EIF2AK4: variants seen among roughly 807,000 people sequenced by gnomAD.
The protein encoded by EIF2AK4 is eIF-2-alpha kinase GCN2.
In EIF2AK4, 139 loss-of-function variants were observed where a neutral mutation model predicts 211.1. That is an observed-to-expected ratio of 0.66 (90% CI 0.57 to 0.76). The LOEUF is 0.76. Ranked by LOEUF, EIF2AK4 falls within the 30% of genes least tolerant of loss-of-function variation. The probability of loss-of-function intolerance (pLI) is 0.00; values close to 1 mark genes in which losing one functional copy is unlikely to be tolerated. For synonymous variants in EIF2AK4, 710 were observed against 751.3 expected (o/e 0.94, Z 0.90); for missense variants, 1,664 against 2,043.8 (o/e 0.81, Z 3.58).
At chr15:40,008,828 G>C (rs190283235) in intron 25 of EIF2AK4, among the ~76,000 whole-genome samples, 58 of 152,216 alleles carry the variant, frequency 3.8e-4, no homozygotes, top group Non-Finnish European at 7.5e-4. Context: ...TCTCCAAGCA[G>C]AACATGTGTT....
At chr15:39,938,803 G>A (rs982694864) in intron 1 of EIF2AK4, among the ~76,000 whole-genome samples, 1 of 152,158 alleles carries the variant, frequency 6.6e-6, no homozygotes, top group Non-Finnish European at 1.5e-5. Flanking sequence ...AAGGTGCCTG[G>A]ACCATGGGAG....
chr15:39,975,655 G>A (rs1432938483), intron 11 of EIF2AK4, among the ~76,000 whole-genome samples: 1 of 152,184 alleles, frequency 6.6e-6, no homozygotes, highest in Non-Finnish European at 1.5e-5. Flanking sequence ...ACTTGCCTTT[G>A]CAACGTTTTC....
At chr15:39,947,565 G>A (rs992102530) in intron 3 of EIF2AK4, among the ~76,000 whole-genome samples, 1 of 152,138 alleles carries the variant, frequency 6.6e-6, no homozygotes, top group Non-Finnish European at 1.5e-5. Context: ...TCCAGCACTG[G>A]GAAAACCACA....
At chr15:40,029,083 A>AG (rs1013676036) in intron 33 of EIF2AK4, among the ~76,000 whole-genome samples, 3 of 152,082 alleles carry the variant, frequency 2.0e-5, no homozygotes, top group Non-Finnish European at 2.9e-5. Context: ...TTGTATTATG[A>AG]GGGGGGCGGA....
At chr15:39,978,296 A>G in intron 13 of EIF2AK4, 149 bp downstream of exon 13, 1 of 411,846 alleles carries the variant, frequency 2.4e-6, no homozygotes. Flanking sequence ...TTTAAAATAT[A>G]TTCTACCTGT....
intron 1 of EIF2AK4, among the ~76,000 whole-genome samples, chr15:39,937,565 T>C (rs2034083656): frequency 6.6e-6 from 1 of 152,218 alleles, no homozygotes; most frequent in Non-Finnish European, 1.5e-5. Flanking sequence ...AAAATGTTGA[T>C]AGAGTCAAAA....
intron 27 of EIF2AK4, among the ~76,000 whole-genome samples, chr15:40,015,423 AAGAG>A (rs1045202184): frequency 2.6e-5 from 4 of 152,314 alleles, no homozygotes; most frequent in East Asian, 3.9e-4. Context: ...GCAGCAGGCA[AAGAG>A]AGAGAACTTG....
chr15:40,032,632 T>C (rs916064319), intron 36 of EIF2AK4, 125 bp from the exon 37 acceptor site: 36 of 828,440 alleles, frequency 4.3e-5, no homozygotes, highest in Non-Finnish European at 6.5e-5. Flanking sequence ...ATTAAGCCCT[T>C]TTACAGCACA....
intron 34 of EIF2AK4, among the ~76,000 whole-genome samples, 174 bp from the exon 35 acceptor site, chr15:40,030,185 C>T (rs2140951337): frequency 6.6e-6 from 1 of 152,310 alleles, no homozygotes; most frequent in East Asian, 1.9e-4. Flanking sequence ...GGGTTCTGGG[C>T]TCCTCACCTA....
At chr15:40,027,245 A>T (rs1282245064) in intron 33 of EIF2AK4, among the ~76,000 whole-genome samples, 2 of 152,232 alleles carry the variant, frequency 1.3e-5, no homozygotes, top group Non-Finnish European at 2.9e-5. Context: ...TAGTAGAAGA[A>T]ATGATTCTCC....
chr15:39,936,246 A>G (rs1472888459), intron 1 of EIF2AK4, among the ~76,000 whole-genome samples: 1 of 152,242 alleles, frequency 6.6e-6, no homozygotes, highest in African/African-American at 2.4e-5. Flanking sequence ...GAATTTAAAT[A>G]GCTGTCTGTG....
intron 25 of EIF2AK4, among the ~76,000 whole-genome samples, chr15:40,008,831 C>T (rs1377453410): frequency 6.6e-6 from 1 of 152,160 alleles, no homozygotes; most frequent in Non-Finnish European, 1.5e-5. Context: ...CCAAGCAGAA[C>T]ATGTGTTTTT....
intron 26 of EIF2AK4, 128 bp from the exon 27 acceptor site, chr15:40,011,153 C>T: frequency 1.8e-6 from 1 of 568,578 alleles, no homozygotes; most frequent in South Asian, 3.1e-5. Context: ...AGAATTCAAT[C>T]TATCCTGTAC....
chr15:40,026,026 C>T lies in EIF2AK4; in HGVS notation c.4439C>T (p.Thr1480Ile). ...CAGACAGAGAAGCGTGTGCTGGAGA[C>T]TGAACTTGTGGACCATGTACTGCAG... ...ERQTEKRVLETELVDHVLQKL... is the reference protein window; with the variant it reads ...ERQTEKRVLEIELVDHVLQKL... The change falls in exon 33 of 39, where the codon ACT becomes ATT. Residue 1480 changes from threonine (T) to isoleucine (I), a missense_variant. Around this residue, in one of 7 missense-constraint regions of EIF2AK4, gnomAD observed 16 missense variants for 47.0 expected, o/e 0.34. Transcript: ENST00000263791. The T allele has an allele frequency of 6.2e-7, 1 of 1,614,146 alleles. No individual in the cohort carries two copies. Among genetic ancestry groups the T allele is most frequent in the East Asian group, 2.2e-5 (1 of 44,886 alleles).
At chr15:39,987,653 C>T (rs947506660) in intron 14 of EIF2AK4, among the ~76,000 whole-genome samples, 3 of 152,062 alleles carry the variant, frequency 2.0e-5, no homozygotes, top group South Asian at 2.1e-4. Context: ...GGTTTGGAAG[C>T]GATCTTGTAA....
intron 6 of EIF2AK4, among the ~76,000 whole-genome samples, chr15:39,959,074 C>T (rs1482175911): frequency 6.6e-6 from 1 of 152,148 alleles, no homozygotes; most frequent in East Asian, 1.9e-4. Context: ...GGAACTGCCA[C>T]AGATACTTGG....
At chr15:39,985,700 C>G (rs562638876) in intron 13 of EIF2AK4, 105 bp from the exon 14 acceptor site, 1 of 933,988 alleles carries the variant, frequency 1.1e-6, no homozygotes, top group East Asian at 2.6e-5. Context: ...CCTAAGGCAA[C>G]TGGGTGGCCC....
intron 27 of EIF2AK4, among the ~76,000 whole-genome samples, chr15:40,011,611 T>G (rs1394822761): frequency 6.6e-6 from 1 of 152,204 alleles, no homozygotes; most frequent in African/African-American, 2.4e-5. Flanking sequence ...GCAGATACTT[T>G]TCTTTGTCAC....
chr15:40,016,418 G>T (rs2035303471), intron 27 of EIF2AK4, 84 bp from the exon 28 acceptor site: 1 of 1,523,166 alleles, frequency 6.6e-7, no homozygotes. Context: ...ATGTGCTCCT[G>T]CTCCTGCAGG....
Sources: gnomAD v4.1 joint callset for allele counts (sites outside exome capture counted in the v4.1 genomes callset) on GRCh38, gnomAD v4.1.1 for gene constraint, gnomAD v4.1.1 regional missense constraint, MANE v1.5 for transcripts, NCBI Gene and HGNC (gene_info 2026-07-23, HGNC 2026-07-21) for gene names.